The following PITPNM3 variants were observed in gnomAD, a reference collection of about 807,000 sequenced individuals.
PITPNM3 encodes the protein PITPNM family member 3, also known as membrane-associated phosphatidylinositol transfer protein 3.
In PITPNM3, 26 loss-of-function variants were observed where a neutral mutation model predicts 102.0. The observed-to-expected ratio is 0.25, with a 90% CI of 0.19 to 0.35. The LOEUF is 0.35. Among genes scored for constraint, PITPNM3 ranks in the 10% least tolerant of loss-of-function variants. The probability of loss-of-function intolerance (pLI) is 1.00; values close to 1 mark genes in which losing one functional copy is unlikely to be tolerated. For missense variants in PITPNM3, 1,083 were observed against 1,346.1 expected (o/e 0.80, Z 3.06); for synonymous variants, 578 against 558.6 (o/e 1.03, Z -0.49).
At chr17:6,473,254 ACACT>A (rs1905146000) in intron 10 of PITPNM3, 2 of 285,152 alleles carry the variant, frequency 7.0e-6, no homozygotes, top group South Asian at 3.4e-5. Flanking sequence ...AAGGCTATAA[ACACT>A]CAGTTCCCAG....
chr17:6,552,075 G>A (rs981700838), intron 1 of PITPNM3, among the ~76,000 whole-genome samples: 1 of 152,140 alleles, frequency 6.6e-6, no homozygotes, highest in East Asian at 1.9e-4. Flanking sequence ...TCCTAACACC[G>A]TAGGATCAGT....
At chr17:6,554,400 AG>A (rs1431213870) in intron 1 of PITPNM3, among the ~76,000 whole-genome samples, 11 of 151,068 alleles carry the variant, frequency 7.3e-5, no homozygotes, top group Admixed American at 7.3e-4. Context: ...GAGAAGGGAG[AG>A]GTAACCAGAC....
intron 3 of PITPNM3, among the ~76,000 whole-genome samples, chr17:6,522,103 T>TA (rs1908561291): frequency 6.6e-6 from 1 of 152,096 alleles, no homozygotes; most frequent in African/African-American, 2.4e-5. Context: ...ATTTAGCCTA[T>TA]AAAATATTCA....
chr17:6,471,129 T>C (rs768701958), intron 12 of PITPNM3, 32 bp downstream of exon 12: 5 of 1,610,302 alleles, frequency 3.1e-6, no homozygotes, highest in Non-Finnish European at 4.2e-6. Context: ...CTCCCCCGAA[T>C]CCAGGCAGGG....
At chr17:6,490,971 A>G (rs1386816727) in intron 4 of PITPNM3, among the ~76,000 whole-genome samples, 1 of 131,196 alleles carries the variant, frequency 7.6e-6, no homozygotes, top group Non-Finnish European at 1.6e-5. Context: ...CCAAAAAAAA[A>G]AAAGAAAGAA....
At position 6,464,322 on chromosome 17, in the gene PITPNM3, C is replaced by T. The variant is rs757649162; in HGVS notation, c.2008-4G>A. On this transcript the variant is annotated splice_polypyrimidine_tract_variant and splice_region_variant and intron_variant, in intron 15 of 19. Transcript: ENST00000262483. ...CTGCCATTACTAGGATGTCCACCTG[C>T]GGCAGTGAAGGGGGTCAGGGACTCC... is the stretch of plus-strand genomic sequence containing the variant. 2.0e-5 allele frequency: 32 copies of T among 1,613,176 alleles called. 1 individual carries two copies. The highest frequency in any genetic ancestry group is 5.5e-5 in the South Asian group (5 of 91,078).
In PITPNM3 at chr17:6,455,308, C is replaced by T. The variant is rs750637790; in HGVS notation, c.*30G>A. The T allele has an allele frequency of 5.8e-6, 9 of 1,541,662 alleles. No individual in the cohort carries two copies. Among genetic ancestry groups the T allele is most frequent in the African/African-American group, 5.5e-5 (4 of 72,448 alleles). On this transcript the variant is annotated 3_prime_UTR_variant, in exon 20 of 20. Transcript: ENST00000262483. ...CCCGCAGGCAGCCTGATTGGGCCCCCCGCTCCCTGCTCTGAGCACAGCCCA... is the reference window on the plus strand; with the variant it reads ...CCCGCAGGCAGCCTGATTGGGCCCCTCGCTCCCTGCTCTGAGCACAGCCCA...
rs755403167 is a variant in PITPNM3, at chr17:6,477,073, G to C, written c.1041C>G (p.Thr347=). The change falls in exon 9 of 20, where the codon ACC becomes ACG. Residue 347 remains threonine, a synonymous_variant. Transcript: ENST00000262483. Reference sequence around the variant, plus strand: ...GCTGGGTGATGGCCTCGCAGTCATAGGTGGAGGAGTCGCTCTGTTTCCGCG... The same window carrying C: ...GCTGGGTGATGGCCTCGCAGTCATACGTGGAGGAGTCGCTCTGTTTCCGCG... ...PLPRKQSDSS[T]YDCEAITQHH... is the part of the protein sequence containing the mutation. 1.9e-6 allele frequency: 3 copies of C among 1,614,176 alleles called. No individual in the cohort carries two copies. Among genetic ancestry groups the C allele is most frequent in the Non-Finnish European group, 1.7e-6 (2 of 1,180,032 alleles).
Position 6,461,553 on chromosome 17 carries a change from G to T in PITPNM3, c.2310C>A (p.His770Gln). 1 of 1,614,148 alleles carries T rather than the reference G, an allele frequency of 6.2e-7. No homozygotes were observed. Residue 770 changes from histidine (H) to glutamine (Q), a missense_variant, in exon 18 of 20, where the codon CAC becomes CAA. By Grantham distance (24) the His-to-Gln change is conservative. This residue lies in a region of PITPNM3 where 410 missense variants were observed against 638.4 expected (regional missense o/e 0.64). Coordinates refer to ENST00000262483, the MANE Select transcript of PITPNM3 (RefSeq NM_031220.4). ...GGATCATGTAGCCCAAGTCCTGCCA[G>T]TGCCTGGTGAGATGGCATTAGAAGG... ...VRPGAVDVVR[H>Q]WQDLGYMILY...
chr17:6,459,695 A>G lies in PITPNM3; in HGVS notation c.2490+1678T>C, dbSNP rs1173832988. On this transcript the variant is annotated intron_variant, in intron 18 of 19. Transcript: ENST00000262483. This position sits in a 1 kb window ranked among gnomAD's most constrained non-coding sequence, Gnocchi z 5.0. ...CTACCATGTGGCATCATCACCCCCA[A>G]TGCAGAAGCTATATTGGTGAGCAGA... 2.6e-5 allele frequency among the ~76,000 whole-genome samples: 4 copies of G among 152,012 alleles called. No individual in the cohort carries two copies. The highest frequency in any genetic ancestry group is 7.2e-5 in the African/African-American group (3 of 41,384).
chr17:6,495,657 A>T (rs1044619821), intron 4 of PITPNM3, among the ~76,000 whole-genome samples: 1 of 152,042 alleles, frequency 6.6e-6, no homozygotes, highest in Non-Finnish European at 1.5e-5. Context: ...CCCCTTGCAC[A>T]TGTGTGCATG....
chr17:6,547,548 C>T (rs1416074516), intron 1 of PITPNM3, among the ~76,000 whole-genome samples: 1 of 152,110 alleles, frequency 6.6e-6, no homozygotes, highest in African/African-American at 2.4e-5. Context: ...CAGGCTCTGC[C>T]ACCTGCAGGC....
chr17:6,501,210 G>C (rs1023011780), intron 4 of PITPNM3, among the ~76,000 whole-genome samples: 2 of 152,180 alleles, frequency 1.3e-5, no homozygotes, highest in Admixed American at 1.3e-4. Flanking sequence ...GTGCTCAGAA[G>C]GGGAGATGAT....
chr17:6,550,307 A>T (rs953752972), intron 1 of PITPNM3, among the ~76,000 whole-genome samples: 5 of 152,202 alleles, frequency 3.3e-5, no homozygotes, highest in Non-Finnish European at 7.4e-5. Flanking sequence ...TCAGTGTCTC[A>T]TTCATAAAAT....
intron 4 of PITPNM3, among the ~76,000 whole-genome samples, chr17:6,485,624 C>T (rs550596850): frequency 6.6e-6 from 1 of 152,288 alleles, no homozygotes; most frequent in African/African-American, 2.4e-5. Context: ...GGTAGACTCC[C>T]AGAGAGTTAA....
At chr17:6,527,221 T>C (rs1451898682) in intron 2 of PITPNM3, among the ~76,000 whole-genome samples, 1 of 152,266 alleles carries the variant, frequency 6.6e-6, no homozygotes, top group African/African-American at 2.4e-5. Context: ...TATGAGGTGA[T>C]ATTATTCTTC....
In PITPNM3 at chr17:6,556,282, C is replaced by G; in HGVS notation, c.22+103G>C. The G allele has an allele frequency of 2.9e-6, 3 of 1,051,158 alleles. No individual in the cohort carries two copies. Among genetic ancestry groups the G allele is most frequent in the Non-Finnish European group, 3.8e-6 (3 of 783,720 alleles). The allele number at this position is 1,051,158 out of a possible 1,614,324, so 65.1% of individuals were successfully genotyped here. A position where few individuals can be genotyped will look rare whatever the true frequency, so the allele number is the denominator to read the frequency against. On this transcript the variant is annotated intron_variant, in intron 1 of 19. Transcript: ENST00000262483. This position sits in a 1 kb window ranked among gnomAD's most constrained non-coding sequence, Gnocchi z 5.2. ...GCCCCCTACGCCCTCCCGGGACCTC[C>G]GCCCACCTGCGCGAGGGGTTCACCT... is the stretch of plus-strand genomic sequence containing the variant.
intron 16 of PITPNM3, 131 bp from the exon 17 acceptor site, chr17:6,464,012 T>C (rs1904633553): frequency 2.0e-6 from 3 of 1,511,284 alleles, no homozygotes; most frequent in Non-Finnish European, 2.7e-6. Context: ...TGGCATCTCC[T>C]GATGCCACGG....
intron 3 of PITPNM3, among the ~76,000 whole-genome samples, chr17:6,519,916 T>G (rs997786306): frequency 1.3e-5 from 2 of 152,094 alleles, no homozygotes; most frequent in Non-Finnish European, 2.9e-5. Context: ...GACAAACTAT[T>G]AGAACCAACA....
Sources: allele counts gnomAD v4.1 joint callset (sites outside exome capture counted in the v4.1 genomes callset), GRCh38; gene constraint gnomAD v4.1.1; regional missense constraint gnomAD v4.1.1; non-coding constraint Gnocchi (gnomAD v3.1); transcripts MANE v1.5; gene names NCBI Gene and HGNC (gene_info 2026-07-23, HGNC 2026-07-21).